RABGAP1L: variants seen among roughly 807,000 people sequenced by gnomAD.
RABGAP1L encodes RAB GTPase activating protein 1 like, also known as rab GTPase-activating protein 1-like.
A neutral mutation model predicts 137.7 loss-of-function variants in RABGAP1L; 63 were observed. That is an observed-to-expected ratio of 0.46 (90% CI 0.37 to 0.56). RABGAP1L has a LOEUF of 0.56. Among genes scored for constraint, RABGAP1L ranks in the 20% least tolerant of loss-of-function variants. The probability of loss-of-function intolerance (pLI) is 0.00; values close to 1 mark genes in which losing one functional copy is unlikely to be tolerated. For missense variants in RABGAP1L, 1,095 were observed against 1,244.0 expected, an observed-to-expected ratio of 0.88 and a Z score of 1.80; for synonymous variants, 431 against 433.7, an observed-to-expected ratio of 0.99 and a Z score of 0.08.
intron 12 of RABGAP1L, among the ~76,000 whole-genome samples, chr1:174,380,963 C>T (rs372116899): frequency 2.6e-4 from 30 of 116,398 alleles, no homozygotes; most frequent in East Asian, 4.6e-4. Context: ...GCTTTGAATG[C>T]GTCCCAGAGA....
intron 11 of RABGAP1L, among the ~76,000 whole-genome samples, chr1:174,323,287 A>C (rs1680170984): frequency 1.3e-5 from 2 of 152,076 alleles, no homozygotes; most frequent in Non-Finnish European, 2.9e-5. Context: ...AAGAAGATTC[A>C]AAAAAATTTA....
intron 2 of RABGAP1L, among the ~76,000 whole-genome samples, chr1:174,220,478 G>T (rs1669674833): frequency 6.6e-6 from 1 of 152,112 alleles, no homozygotes; most frequent in African/African-American, 2.4e-5. Context: ...GACCAGCCTG[G>T]CCAATGTGGG....
intron 13 of RABGAP1L, among the ~76,000 whole-genome samples, chr1:174,495,888 CTTATT>C (rs1660689993): frequency 6.6e-6 from 1 of 152,116 alleles, no homozygotes; most frequent in African/African-American, 2.4e-5. Context: ...AGGTCAAAGA[CTTATT>C]TTATTTTTTA....
chr1:174,760,324 TCACCCTCCTC>T (rs763169240), intron 18 of RABGAP1L, among the ~76,000 whole-genome samples: 87 of 152,322 alleles, frequency 5.7e-4, no homozygotes, highest in Middle Eastern at 3.4e-3. Flanking sequence ...TTTTGGATCC[TCACCCTCCTC>T]CACCCTCAAG....
chr1:174,946,946 GT>G (rs1666946892), intron 19 of RABGAP1L, among the ~76,000 whole-genome samples: 4 of 74,914 alleles, frequency 5.3e-5, no homozygotes, highest in South Asian at 5.4e-4. Context: ...ATATATGTGT[GT>G]GTGTGTGTGT....
chr1:174,856,495 T>A (rs558841467), intron 19 of RABGAP1L, among the ~76,000 whole-genome samples: 1 of 152,166 alleles, frequency 6.6e-6, no homozygotes, highest in South Asian at 2.1e-4. Flanking sequence ...TATTCTCAGA[T>A]TAGACTAACC....
chr1:174,703,399 G>A (rs1414029416), intron 17 of RABGAP1L, among the ~76,000 whole-genome samples: 1 of 152,118 alleles, frequency 6.6e-6, no homozygotes, highest in South Asian at 2.1e-4. Flanking sequence ...CATCCATGTT[G>A]CTGCTAATGA....
intron 1 of RABGAP1L, among the ~76,000 whole-genome samples, chr1:174,195,839 C>CTTCTTCT (rs1553251595): frequency 1.5e-3 from 134 of 91,742 alleles, no homozygotes; most frequent in Middle Eastern, 6.3e-3. Context: ...CCTTCTTCTT[C>CTTCTTCT]TTTTTTTTTT....
intron 13 of RABGAP1L, among the ~76,000 whole-genome samples, chr1:174,433,186 G>A (rs1652844277): frequency 1.3e-5 from 2 of 152,174 alleles, no homozygotes; most frequent in South Asian, 4.1e-4. Flanking sequence ...GAGTGGTGCA[G>A]CCATCATGCC....
At chr1:174,951,273 T>C (rs1667663546) in intron 19 of RABGAP1L, among the ~76,000 whole-genome samples, 1 of 152,248 alleles carries the variant, frequency 6.6e-6, no homozygotes, top group Non-Finnish European at 1.5e-5. Context: ...TCCCAGGCAG[T>C]AGAGCAAAGT....
intron 13 of RABGAP1L, among the ~76,000 whole-genome samples, chr1:174,637,028 A>G (rs911833996): frequency 6.6e-6 from 1 of 152,190 alleles, no homozygotes; most frequent in Non-Finnish European, 1.5e-5. Flanking sequence ...CTATATGTAC[A>G]TGTCTTGATA....
chr1:174,748,501 C>T (rs1331966494), intron 17 of RABGAP1L, among the ~76,000 whole-genome samples: 1 of 152,116 alleles, frequency 6.6e-6, no homozygotes, highest in Non-Finnish European at 1.5e-5. Context: ...ATGACACAGC[C>T]TCAGGAGGTC....
intron 13 of RABGAP1L, among the ~76,000 whole-genome samples, chr1:174,550,893 TATACAC>T (rs1189239148): frequency 4.1e-4 from 23 of 55,472 alleles, no homozygotes; most frequent in African/African-American, 2.3e-3. Context: ...TATATATATA[TATACAC>T]ACACACATAT....
chr1:174,363,789 A>G (rs1320577287), intron 11 of RABGAP1L, among the ~76,000 whole-genome samples: 2 of 151,976 alleles, frequency 1.3e-5, no homozygotes. Context: ...CTTTTTCAGC[A>G]TTAATTGAAA....
At chr1:174,332,956 T>C (rs1681164978) in intron 11 of RABGAP1L, among the ~76,000 whole-genome samples, 1 of 152,172 alleles carries the variant, frequency 6.6e-6, no homozygotes, top group South Asian at 2.1e-4. Context: ...GAAAATGTAT[T>C]ATACATACAC....
intron 16 of RABGAP1L, chr1:174,701,277 C>T (rs1395887506): frequency 8.7e-7 from 1 of 1,146,184 alleles, no homozygotes. Context: ...ATATATTATA[C>T]CTTTGCATAA....
chr1:174,610,625 G>A lies in RABGAP1L; in HGVS notation c.1711-26750G>A, dbSNP rs1479725544. ...TCTAGTTCTAGATCCCTGAGGAATC[G>A]CCACACTGACTTCCACAATGGTTGA... On this transcript the variant is annotated intron_variant, in intron 13 of 25. Transcript: ENST00000681986. 5.3e-5 allele frequency among the ~76,000 whole-genome samples: 8 copies of A among 152,084 alleles called. No individual in the cohort carries two copies. The East Asian group carries it at 5.8e-4, about 11-fold the overall frequency.
At chr1:174,238,930 C>G (rs974451406) in intron 4 of RABGAP1L, 1 of 163,864 alleles carries the variant, frequency 6.1e-6, no homozygotes, top group Non-Finnish European at 1.3e-5. Context: ...ATTCCGTTGG[C>G]GTAGGACCCT....
chr1:174,756,235 G>A (rs565717715), intron 18 of RABGAP1L, among the ~76,000 whole-genome samples: 2 of 152,188 alleles, frequency 1.3e-5, no homozygotes, highest in African/African-American at 4.8e-5. Flanking sequence ...TGCAACCTCC[G>A]CCTCCTGGGG....
Sources: gnomAD v4.1 joint callset for allele counts (sites outside exome capture counted in the v4.1 genomes callset) on GRCh38, gnomAD v4.1.1 for gene constraint, MANE v1.5 for transcripts, NCBI Gene and HGNC (gene_info 2026-07-23, HGNC 2026-07-21) for gene names.